The following CUL3 variants were observed in gnomAD, a reference collection of about 807,000 sequenced individuals.
CUL3 encodes cullin-3.
Under a neutral mutation model 89.1 loss-of-function variants are expected in CUL3, and 19 were observed. The observed-to-expected ratio is 0.21, with a 90% CI of 0.15 to 0.31. The LOEUF (loss-of-function observed/expected upper bound fraction) is 0.31. Ranked by LOEUF, CUL3 falls within the 10% of genes least tolerant of loss-of-function variation. The probability of loss-of-function intolerance (pLI) is 1.00; values close to 1 mark genes in which losing one functional copy is unlikely to be tolerated. For missense variants in CUL3, 469 were observed against 942.3 expected, an observed-to-expected ratio of 0.50 and a Z score of 6.58; for synonymous variants, 351 against 308.4, an observed-to-expected ratio of 1.14 and a Z score of -1.45.
At chr2:224,522,642 A>AC (rs1395457213) in intron 3 of CUL3, among the ~76,000 whole-genome samples, 1 of 152,152 alleles carries the variant, frequency 6.6e-6, no homozygotes, top group Non-Finnish European at 1.5e-5. Flanking sequence ...CCTGGCTAAC[A>AC]CAGTGAAACC....
At chr2:224,538,867 G>C (rs1467885373) in intron 2 of CUL3, among the ~76,000 whole-genome samples, 5 of 152,146 alleles carry the variant, frequency 3.3e-5, no homozygotes, top group Admixed American at 2.0e-4. Flanking sequence ...CACCCGAAGA[G>C]CTTTTACAAA....
intron 1 of CUL3, 21 bp downstream of exon 1, chr2:224,584,923 G>A (rs1208384314): frequency 6.9e-7 from 1 of 1,455,490 alleles, no homozygotes; most frequent in African/African-American, 1.5e-5. Flanking sequence ...CCGGGGTCCC[G>A]GACGCCGAGG....
At chr2:224,516,309 TTTTG>T (rs992710649) in intron 3 of CUL3, among the ~76,000 whole-genome samples, 1 of 149,604 alleles carries the variant, frequency 6.7e-6, no homozygotes, top group Admixed American at 6.7e-5. Flanking sequence ...GTCCCTCCTT[TTTTG>T]TTTGCTTTTT....
At chr2:224,561,001 T>G (rs1219370383) in intron 1 of CUL3, among the ~76,000 whole-genome samples, 1 of 152,234 alleles carries the variant, frequency 6.6e-6, no homozygotes, top group Non-Finnish European at 1.5e-5. Context: ...TCCCTCAGTT[T>G]CCTGCATGGC....
At chr2:224,533,456 CA>C (rs534108199) in intron 3 of CUL3, among the ~76,000 whole-genome samples, 3 of 141,438 alleles carry the variant, frequency 2.1e-5, no homozygotes, top group Non-Finnish European at 3.1e-5. Context: ...GATTTTGTTG[CA>C]AAAAAAAAGA....
chr2:224,567,891 T>C (rs1001997521), intron 1 of CUL3, among the ~76,000 whole-genome samples: 2 of 152,172 alleles, frequency 1.3e-5, no homozygotes, highest in Admixed American at 6.5e-5. Flanking sequence ...GGTAGCATAG[T>C]AGGCACAGAC....
chr2:224,538,792 G>C, intron 2 of CUL3, among the ~76,000 whole-genome samples: 1 of 152,212 alleles, frequency 6.6e-6, no homozygotes, highest in Non-Finnish European at 1.5e-5. Flanking sequence ...CCTGGTACTA[G>C]CTTTGCAAAG....
intron 11 of CUL3, chr2:224,499,355 C>T (rs892895107): frequency 2.2e-5 from 5 of 229,518 alleles, no homozygotes; most frequent in Admixed American, 2.1e-4. Context: ...TACTTGGACA[C>T]TTAAGACAAT....
At chr2:224,489,192 T>G (rs1486345773) in intron 13 of CUL3, among the ~76,000 whole-genome samples, 3 of 152,204 alleles carry the variant, frequency 2.0e-5, no homozygotes, top group Admixed American at 2.0e-4. Context: ...CTTTGAAAAC[T>G]GGCACAAGAC....
intron 1 of CUL3, among the ~76,000 whole-genome samples, chr2:224,558,177 C>G (rs1409862749): frequency 6.6e-6 from 1 of 152,100 alleles, no homozygotes; most frequent in Non-Finnish European, 1.5e-5. Flanking sequence ...TTATCTCTCT[C>G]CCACCAAAAT....
chr2:224,536,958 T>C (rs1466024481), intron 2 of CUL3, among the ~76,000 whole-genome samples: 1 of 152,200 alleles, frequency 6.6e-6, no homozygotes, highest in Admixed American at 6.5e-5. Flanking sequence ...CAACCTTCCA[T>C]AATCCAGCTA....
At chr2:224,474,724 G>A (rs1343910856) in intron 15 of CUL3, among the ~76,000 whole-genome samples, 1 of 152,190 alleles carries the variant, frequency 6.6e-6, no homozygotes, top group Non-Finnish European at 1.5e-5. Flanking sequence ...GGTAGCCTAT[G>A]TATTAAAGAA....
intron 11 of CUL3, chr2:224,499,765 C>A (rs1574631072): frequency 4.7e-6 from 1 of 211,836 alleles, no homozygotes; most frequent in South Asian, 8.8e-5. Context: ...TTAGGCTGCT[C>A]GATGAAGGGG....
intron 13 of CUL3, among the ~76,000 whole-genome samples, chr2:224,490,073 T>G (rs1026669449): frequency 6.6e-6 from 1 of 152,184 alleles, no homozygotes; most frequent in African/African-American, 2.4e-5. Context: ...AAGAAGACAT[T>G]TGTGTTGCTA....
At chr2:224,491,376 T>A (rs945803660) in intron 13 of CUL3, among the ~76,000 whole-genome samples, 2 of 152,210 alleles carry the variant, frequency 1.3e-5, no homozygotes, top group Non-Finnish European at 2.9e-5. Context: ...TAATAAAACA[T>A]CCTTTTCTTC....
chr2:224,550,695 C>T (rs917127447), intron 2 of CUL3, among the ~76,000 whole-genome samples: 5 of 152,128 alleles, frequency 3.3e-5, no homozygotes, highest in Non-Finnish European at 5.9e-5. Flanking sequence ...TAGCAGGTAA[C>T]GTTCTTTCTA....
At chr2:224,540,701 A>C (rs1384021621) in intron 2 of CUL3, among the ~76,000 whole-genome samples, 1 of 152,162 alleles carries the variant, frequency 6.6e-6, no homozygotes, top group African/African-American at 2.4e-5. Flanking sequence ...AACAAACAAA[A>C]AAACCCACAC....
intron 1 of CUL3, among the ~76,000 whole-genome samples, chr2:224,572,630 G>GAAAAAA (rs67105454): frequency 4.6e-5 from 4 of 86,298 alleles, no homozygotes; most frequent in Non-Finnish European, 9.1e-5. Context: ...GAGAGTGAGA[G>GAAAAAA]AAAAAAAAAA....
intron 5 of CUL3, among the ~76,000 whole-genome samples, chr2:224,512,649 G>A (rs1692875828): frequency 6.6e-6 from 1 of 152,034 alleles, no homozygotes; most frequent in Non-Finnish European, 1.5e-5. Flanking sequence ...AGTACCATTG[G>A]CCTGTAATAT....
Sources: allele counts gnomAD v4.1 joint callset (sites outside exome capture counted in the v4.1 genomes callset), GRCh38; gene constraint gnomAD v4.1.1; transcripts MANE v1.5; gene names NCBI Gene and HGNC (gene_info 2026-07-23, HGNC 2026-07-21).